Variants in SUDS3 observed in about 807,000 individuals in gnomAD.
SUDS3 encodes SIN3A corepressor complex component SDS3.
Under a neutral mutation model 53.5 loss-of-function variants are expected in SUDS3, and 23 were observed. That is an observed-to-expected ratio of 0.43 (90% CI 0.31 to 0.61). SUDS3 has a LOEUF of 0.61. Ranked by LOEUF, SUDS3 falls within the 20% of genes least tolerant of loss-of-function variation. The pLI is 0.10. For synonymous variants in SUDS3, 150 were observed against 148.5 expected (o/e 1.01, Z -0.08); for missense variants, 291 against 405.9 (o/e 0.72, Z 2.43).
At chr12:118,410,556 T>C (rs1160202549) in intron 10 of SUDS3, among the ~76,000 whole-genome samples, 2 of 125,332 alleles carry the variant, frequency 1.6e-5, no homozygotes, top group Non-Finnish European at 3.2e-5. Flanking sequence ...GATGGAAGCC[T>C]TTATTTATTT....
In SUDS3 at chr12:118,386,522, T is replaced by C. The variant is rs559643324; in HGVS notation, c.340+337T>C. Among the ~76,000 whole-genome samples the C allele has an allele frequency of 2.6e-5, 4 of 152,194 alleles. No homozygotes were observed. The East Asian group carries it at 7.7e-4, about 29-fold the overall frequency. ...TCAGAAGTGCGGATGAGGAAAAGGA[T>C]TGTAGGTTGTTTTTGTCCCATTTTA... On this transcript the variant is annotated intron_variant, in intron 4 of 11. Transcript: ENST00000543473.
Position 118,415,430 on chromosome 12 carries a change from C to G in SUDS3, c.*997C>G, listed in dbSNP as rs189758406. ...CTGTGGAGAACTTTGTTGTCAGGCC[C>G]TGAGCGCTCACAGCTTCATTTGGCC... On this transcript the variant is annotated 3_prime_UTR_variant, in exon 12 of 12. Transcript: ENST00000543473. 6.6e-6 allele frequency: 1 copy of G among 152,260 alleles called. No homozygotes were observed. The allele number at this position is 152,260 out of a possible 1,614,324, so 9.4% of individuals were successfully genotyped here.
At chr12:118,398,138 T>G (rs1377109648) in intron 6 of SUDS3, among the ~76,000 whole-genome samples, 1 of 152,162 alleles carries the variant, frequency 6.6e-6, no homozygotes, top group African/African-American at 2.4e-5. Context: ...CCTGAAAATA[T>G]AATAATAAAA....
intron 6 of SUDS3, among the ~76,000 whole-genome samples, chr12:118,399,172 T>G (rs1186388404): frequency 6.6e-6 from 1 of 152,102 alleles, no homozygotes; most frequent in African/African-American, 2.4e-5. Flanking sequence ...GAGGCCTGGC[T>G]TATATCCTGT....
chr12:118,383,874 C>G, intron 2 of SUDS3, 138 bp from the exon 3 acceptor site: 1 of 692,662 alleles, frequency 1.4e-6, no homozygotes, highest in Non-Finnish European at 2.4e-6. Flanking sequence ...AGCCAGCAAG[C>G]AGACTTTACT....
chr12:118,391,103 GC>G, intron 5 of SUDS3, 22 bp from the exon 6 acceptor site: 4 of 1,611,558 alleles, frequency 2.5e-6, no homozygotes, highest in Non-Finnish European at 3.4e-6. Flanking sequence ...TGTACTCCCA[GC>G]CCGTGTTTCT....
chr12:118,390,910 GGTAGCAA>G lies in SUDS3; in HGVS notation c.361-213_361-207del, dbSNP rs1396998947. On this transcript the variant is annotated intron_variant, in intron 5 of 11. Coordinates refer to ENST00000543473, the MANE Select transcript of SUDS3 (RefSeq NM_022491.3). ...GGATGTGGAAGCGAAAAAATATCTGGGTAGCAAGTGAGGTGTACTCAAAAATAAGCAA... is the reference window on the plus strand; with the variant it reads ...GGATGTGGAAGCGAAAAAATATCTGGGTGAGGTGTACTCAAAAATAAGCAA... The G allele has an allele frequency of 4.8e-6, 3 of 631,012 alleles. No homozygotes were observed. The Admixed American group carries it at 6.8e-5, about 14-fold the overall frequency. The allele number at this position is 631,012 out of a possible 1,614,324, so 39.1% of individuals were successfully genotyped here.
Position 118,386,160 on chromosome 12 carries a change from G to T in SUDS3, c.315G>T (p.Gln105His). 1 of 1,602,248 alleles carries T rather than the reference G, an allele frequency of 6.2e-7. No homozygotes were observed. The highest frequency in any genetic ancestry group is 8.5e-7 in the Non-Finnish European group (1 of 1,174,146). ...AGAGAATGAAAAAACTAGATCAGCA[G>T]TACAAAGAGAGGATACGGAATGCAG... is the stretch of plus-strand genomic sequence containing the variant. ...YQKRMKKLDQ[Q>H]YKERIRNAEL... The change falls in exon 4 of 12, where the codon CAG (glutamine) becomes CAT (histidine). Residue 105 changes from glutamine (Q) to histidine (H), a missense_variant. Coordinates refer to ENST00000543473, the MANE Select transcript of SUDS3 (RefSeq NM_022491.3).
chr12:118,386,282 TATCCC>T (rs1186991144), intron 4 of SUDS3, 97 bp downstream of exon 4: 2 of 930,462 alleles, frequency 2.1e-6, no homozygotes, highest in African/African-American at 3.4e-5. Flanking sequence ...CTCCAAAACA[TATCCC>T]AGATACTCTG....
chr12:118,389,859 T>G lies in SUDS3; in HGVS notation c.341-68T>G, dbSNP rs1380536158. ...AAAGCAATTACTGCTTCTAAATGAATGCTAACATCACTGTCTAGAAAGGTG... is the reference window on the plus strand; with the variant it reads ...AAAGCAATTACTGCTTCTAAATGAAGGCTAACATCACTGTCTAGAAAGGTG... On this transcript the variant is annotated intron_variant, in intron 4 of 11. Coordinates refer to ENST00000543473, the MANE Select transcript of SUDS3 (RefSeq NM_022491.3). The G allele has an allele frequency of 2.5e-6, 4 of 1,589,220 alleles. No individual in the cohort carries two copies. In the Admixed American group the frequency reaches 6.7e-5, roughly 27 times the overall value.
chr12:118,409,343 C>T (rs1045581870), intron 10 of SUDS3, among the ~76,000 whole-genome samples: 2 of 152,024 alleles, frequency 1.3e-5, no homozygotes, highest in Non-Finnish European at 2.9e-5. Context: ...GATGGGGTTT[C>T]ACCATGTTGG....
At chr12:118,414,196 A>T in intron 11 of SUDS3, 139 bp from the exon 12 acceptor site, 1 of 647,034 alleles carries the variant, frequency 1.5e-6, no homozygotes, top group Non-Finnish European at 2.6e-6. Flanking sequence ...TGAAGCCCTC[A>T]CAAGTTGAGA....
intron 6 of SUDS3, among the ~76,000 whole-genome samples, chr12:118,398,108 C>A (rs2046232027): frequency 1.3e-5 from 2 of 152,062 alleles, no homozygotes; most frequent in Non-Finnish European, 2.9e-5. Context: ...TAAAAAGGAT[C>A]TTTGTATAGT....
chr12:118,393,549 A>G (rs2046186799), intron 6 of SUDS3, among the ~76,000 whole-genome samples: 1 of 152,204 alleles, frequency 6.6e-6, no homozygotes, highest in Non-Finnish European at 1.5e-5. Flanking sequence ...GAAGAATTAT[A>G]GGTCAGTGCA....
At chr12:118,405,092 G>C (rs1403465328) in intron 10 of SUDS3, among the ~76,000 whole-genome samples, 2 of 152,166 alleles carry the variant, frequency 1.3e-5, no homozygotes, top group African/African-American at 4.8e-5. Flanking sequence ...TTATGTCTCA[G>C]AACACATCGC....
At chr12:118,404,810 A>G (rs950928920) in intron 10 of SUDS3, among the ~76,000 whole-genome samples, 1 of 152,186 alleles carries the variant, frequency 6.6e-6, no homozygotes, top group African/African-American at 2.4e-5. Flanking sequence ...AAGTTCCAAA[A>G]TTGGGGTAAT....
At chr12:118,393,628 G>A (rs61943399) in intron 6 of SUDS3, among the ~76,000 whole-genome samples, 4 of 151,802 alleles carry the variant, frequency 2.6e-5, no homozygotes, top group African/African-American at 9.7e-5. Flanking sequence ...GGGCTTTGGA[G>A]TGGAGGCTGA....
chr12:118,401,970 G>C lies in SUDS3; in HGVS notation c.676-13G>C. 1 of 1,613,878 alleles carries C rather than the reference G, an allele frequency of 6.2e-7. No homozygotes were observed. The highest frequency in any genetic ancestry group is 1.1e-5 in the South Asian group (1 of 91,076). ...ATTTTCTCTAAGATTTTTTGTTGTT[G>C]TTCTTCCTACAGCTTAAGTCACCCA... On this transcript the variant is annotated splice_polypyrimidine_tract_variant and intron_variant, in intron 8 of 11. Coordinates refer to ENST00000543473, the MANE Select transcript of SUDS3 (RefSeq NM_022491.3).
chr12:118,397,623 C>T (rs2046227700), intron 6 of SUDS3, among the ~76,000 whole-genome samples: 1 of 152,142 alleles, frequency 6.6e-6, no homozygotes, highest in African/African-American at 2.4e-5. Flanking sequence ...TGGAGACATG[C>T]TGATAAGTTT....
Sources: allele counts gnomAD v4.1 joint callset (sites outside exome capture counted in the v4.1 genomes callset), GRCh38; gene constraint gnomAD v4.1.1; transcripts MANE v1.5; gene names NCBI Gene and HGNC (gene_info 2026-07-23, HGNC 2026-07-21).